ARID1B: variants seen among roughly 807,000 people sequenced by gnomAD.
The protein encoded by ARID1B is AT-rich interaction domain 1B, also known as AT-rich interactive domain-containing protein 1B.
ARID1B carries 30 observed loss-of-function variants against 212.3 expected under a neutral mutation model. The observed-to-expected ratio is 0.14, with a 90% CI of 0.11 to 0.19. The LOEUF (loss-of-function observed/expected upper bound fraction) is 0.19. Ranked by LOEUF, ARID1B falls within the 10% of genes least tolerant of loss-of-function variation. The pLI is 1.00. For missense variants in ARID1B, 2,891 were observed against 3,204.0 expected, an observed-to-expected ratio of 0.90 and a Z score of 2.36; for synonymous variants, 1,402 against 1,301.7, an observed-to-expected ratio of 1.08 and a Z score of -1.66.
chr6:157,091,668 T>C (rs1785291946), intron 5 of ARID1B, among the ~76,000 whole-genome samples: 1 of 152,158 alleles, frequency 6.6e-6, no homozygotes, highest in African/African-American at 2.4e-5. Context: ...CAAACCAATG[T>C]CTCTCTTTCA....
chr6:156,921,489 AC>A (rs1790793813), intron 3 of ARID1B, among the ~76,000 whole-genome samples: 1 of 133,002 alleles, frequency 7.5e-6, no homozygotes, highest in African/African-American at 2.9e-5. Flanking sequence ...ACACACACAC[AC>A]ACAAAATGTA....
Position 157,210,680 on chromosome 6 carries a change from AGGAT to A in ARID1B, c.*2791_*2794del, listed in dbSNP as rs1794710899. ...TCTATGAGGCTTTTCAGAAATTTAC[AGGAT>A]GCCCAGACTTTACATGTGTACCAAA... On this transcript the variant is annotated 3_prime_UTR_variant, in exon 20 of 20. Transcript: ENST00000636930. The A allele has an allele frequency of 4.4e-6, 1 of 229,650 alleles. No homozygotes were observed. The highest frequency in any genetic ancestry group is 8.6e-6 in the Non-Finnish European group (1 of 116,778). 14.2% of individuals were successfully genotyped at this position (229,650 alleles called of 1,614,324 possible). A position where few individuals can be genotyped will look rare whatever the true frequency, so the allele number is the denominator to read the frequency against.
chr6:156,977,042 A>C (rs1288411526), intron 4 of ARID1B: 2 of 439,866 alleles, frequency 4.5e-6, no homozygotes, highest in Non-Finnish European at 8.7e-6. Flanking sequence ...GAAAACACAC[A>C]GCAGGGAAAA....
At chr6:156,901,053 A>T (rs944169376) in intron 2 of ARID1B, among the ~76,000 whole-genome samples, 1 of 152,150 alleles carries the variant, frequency 6.6e-6, no homozygotes, top group African/African-American at 2.4e-5. Context: ...ATTTCATATC[A>T]TGCTTCTCTT....
chr6:157,196,333 T>C lies in ARID1B; in HGVS notation c.4382+18T>C. 1 of 1,582,642 alleles carries C rather than the reference T, an allele frequency of 6.3e-7. No homozygotes were observed. The highest frequency in any genetic ancestry group is 1.2e-5 in the South Asian group (1 of 85,616). On this transcript the variant is annotated intron_variant, in intron 16 of 19. Transcript: ENST00000636930. ...GACCGAAGGTGAGTATTTTTTAAGATGACAATATGATGATTTACTAGAAAC... is the reference window on the plus strand; with the variant it reads ...GACCGAAGGTGAGTATTTTTTAAGACGACAATATGATGATTTACTAGAAAC...
At chr6:157,082,616 T>A (rs1344770147) in intron 4 of ARID1B, among the ~76,000 whole-genome samples, 1 of 152,202 alleles carries the variant, frequency 6.6e-6, no homozygotes, top group Non-Finnish European at 1.5e-5. Context: ...ACAGGTACAC[T>A]TGTAGCTCAC....
chr6:156,861,159 C>A (rs1228879658), intron 2 of ARID1B, among the ~76,000 whole-genome samples: 2 of 152,142 alleles, frequency 1.3e-5, no homozygotes, highest in East Asian at 1.9e-4. Flanking sequence ...AGTGAAGGAA[C>A]AACAGGACTC....
intron 2 of ARID1B, among the ~76,000 whole-genome samples, chr6:156,857,706 G>A (rs1012198506): frequency 1.3e-5 from 2 of 152,196 alleles, no homozygotes; most frequent in Non-Finnish European, 2.9e-5. Flanking sequence ...GAAATATACA[G>A]TCATGTTGCT....
chr6:157,111,577 A>G (rs1786927449), intron 6 of ARID1B, among the ~76,000 whole-genome samples: 1 of 152,072 alleles, frequency 6.6e-6, no homozygotes, highest in Non-Finnish European at 1.5e-5. Context: ...GTTTATAATT[A>G]TTTGTATATG....
At chr6:156,932,416 A>C (rs1051054463) in intron 3 of ARID1B, among the ~76,000 whole-genome samples, 2 of 105,600 alleles carry the variant, frequency 1.9e-5, no homozygotes, top group African/African-American at 1.1e-4. Flanking sequence ...ACAATATGGC[A>C]TTCTATACAG....
At chr6:156,905,281 C>CACACACACACACACAA (rs1482553407) in intron 3 of ARID1B, among the ~76,000 whole-genome samples, 1 of 151,608 alleles carries the variant, frequency 6.6e-6, no homozygotes. Flanking sequence ...CACACACACA[C>CACACACACACACACAA]AGATTTATTA....
intron 7 of ARID1B, among the ~76,000 whole-genome samples, chr6:157,147,554 A>G (rs1167013462): frequency 1.5e-3 from 7 of 4,696 alleles, no homozygotes; most frequent in South Asian, 0.01. Context: ...TCCGCCTCCG[A>G]CCCTGCCCTC....
intron 7 of ARID1B, among the ~76,000 whole-genome samples, chr6:157,147,228 CCTCCGA>C (rs1417739434): frequency 0.032 from 5 of 154 alleles, no homozygotes; most frequent in Non-Finnish European, 0.048. Flanking sequence ...CCGTCCCTCA[CCTCCGA>C]CCCTGCCGTC....
Position 156,838,728 on chromosome 6 carries a change from A to ATAATAATAG in ARID1B, c.1986+9313_1986+9314insTAGTAATAA, listed in dbSNP as rs1269484745. Among the ~76,000 whole-genome samples the ATAATAATAG allele has an allele frequency of 1.2e-4, 18 of 150,204 alleles. No homozygotes were observed. The East Asian group carries it at 3.5e-3, about 29-fold the overall frequency. ...TTAAAGTATAATAATAATAATAATA[A>ATAATAATAG]TAATAAACAAAAAAAACCGCTCTAA... On this transcript the variant is annotated intron_variant, in intron 2 of 19. Transcript: ENST00000636930.
intron 1 of ARID1B, among the ~76,000 whole-genome samples, chr6:156,790,344 T>C (rs1337350283): frequency 1.3e-5 from 2 of 152,248 alleles, no homozygotes; most frequent in East Asian, 1.9e-4. Context: ...TTGTTGAGCA[T>C]AGAGTGATGT....
At chr6:156,940,741 A>G (rs1245189001) in intron 4 of ARID1B, 1 of 152,260 alleles carries the variant, frequency 6.6e-6, no homozygotes, top group African/African-American at 2.4e-5. Context: ...TATTGCTGAC[A>G]TTCATATGGA....
chr6:156,998,064 TG>T (rs1287246196), intron 4 of ARID1B, among the ~76,000 whole-genome samples: 3 of 152,226 alleles, frequency 2.0e-5, no homozygotes, highest in Admixed American at 1.3e-4. Context: ...GCATGGATTA[TG>T]GGTGCTGTGC....
intron 7 of ARID1B, among the ~76,000 whole-genome samples, chr6:157,144,625 A>G (rs1789593394): frequency 6.6e-6 from 1 of 152,058 alleles, no homozygotes; most frequent in Admixed American, 6.6e-5. Flanking sequence ...GAGGAGTCTG[A>G]ATTCCTTCTC....
chr6:157,071,053 C>G (rs925062808), intron 4 of ARID1B: 1 of 152,174 alleles, frequency 6.6e-6, no homozygotes, highest in Non-Finnish European at 1.5e-5. Context: ...TTTTTTCCTT[C>G]ACTCTTCTTT....
Sources: gnomAD v4.1 joint callset for allele counts (sites outside exome capture counted in the v4.1 genomes callset) on GRCh38, gnomAD v4.1.1 for gene constraint, MANE v1.5 for transcripts, NCBI Gene and HGNC (gene_info 2026-07-23, HGNC 2026-07-21) for gene names.